Variants in DHRS3 observed in about 807,000 individuals in gnomAD.
DHRS3 encodes the protein short-chain dehydrogenase/reductase 3.
In DHRS3, 14 loss-of-function variants were observed where a neutral mutation model predicts 27.2. The observed-to-expected ratio is 0.52, with a 90% confidence interval of 0.34 to 0.81. The LOEUF is 0.81. Among genes scored for constraint, DHRS3 ranks in the 30% least tolerant of loss-of-function variants. The probability of loss-of-function intolerance (pLI) is 0.01; values close to 1 mark genes in which losing one functional copy is unlikely to be tolerated. For missense variants in DHRS3, 322 were observed against 406.2 expected, an observed-to-expected ratio of 0.79 and a Z score of 1.78; for synonymous variants, 165 against 175.9, an observed-to-expected ratio of 0.94 and a Z score of 0.49.
intron 1 of DHRS3, among the ~76,000 whole-genome samples, chr1:12,597,937 C>T (rs2100702628): frequency 2.0e-5 from 3 of 152,342 alleles, no homozygotes; most frequent in Admixed American, 2.0e-4. Context: ...CCAGCCATCG[C>T]ACAGAGGGTG....
intron 5 of DHRS3, among the ~76,000 whole-genome samples, chr1:12,570,875 G>C (rs1391622126): frequency 6.6e-6 from 1 of 152,242 alleles, no homozygotes; most frequent in Non-Finnish European, 1.5e-5. Flanking sequence ...CCTCTGAAAG[G>C]GCTTTGAGTT....
At chr1:12,568,457 G>A (rs913939722) in intron 5 of DHRS3, 33 bp from the exon 6 acceptor site, 1 of 1,602,720 alleles carries the variant, frequency 6.2e-7, no homozygotes, top group African/African-American at 1.3e-5. Flanking sequence ...AGATAGCGAT[G>A]GTTAGTGGGG....
intron 2 of DHRS3, 117 bp downstream of exon 2, chr1:12,580,406 G>A (rs1438445361): frequency 3.4e-6 from 5 of 1,478,090 alleles, no homozygotes; most frequent in Admixed American, 1.8e-5. Flanking sequence ...AGGTGCCCCG[G>A]GCAAAGCCAT....
intron 1 of DHRS3, among the ~76,000 whole-genome samples, chr1:12,604,952 G>A (rs1281710605): frequency 6.6e-6 from 1 of 152,070 alleles, no homozygotes; most frequent in Non-Finnish European, 1.5e-5. Flanking sequence ...GGCTGAGGCA[G>A]GAGAATTACT....
At position 12,579,361 on chromosome 1, in the gene DHRS3, T is replaced by C. The variant is rs61735748; in HGVS notation, c.391A>G (p.Ser131Gly). ...GCATCATCATCACTGTCCATTAGGC[T>C]CTTCCCATGGACCACGGCGGCATTG... ...VNNAAVVHGK[S>G]LMDSDDDALL... The change falls in exon 3 of 6, where the codon AGC (serine) becomes GGC (glycine). Residue 131 changes from serine to glycine, a missense_variant. Transcript: ENST00000616661. 9,985 of 1,614,154 alleles carry C rather than the reference T, an allele frequency of 6.2e-3. 843 individuals are homozygous for C. The Admixed American group carries it at 0.15, about 24-fold the overall frequency.
At chr1:12,609,385 GCC>G (rs1557532934) in intron 1 of DHRS3, among the ~76,000 whole-genome samples, 2 of 152,180 alleles carry the variant, frequency 1.3e-5, no homozygotes, top group African/African-American at 4.8e-5. Context: ...GAGCAGGGCT[GCC>G]CAGCAGAGCC....
chr1:12,579,668 G>T (rs943060136), intron 2 of DHRS3: 27 of 370,172 alleles, frequency 7.3e-5, no homozygotes, highest in Middle Eastern at 8.6e-4. Context: ...TAGAGATGGG[G>T]TTTCACCATG....
chr1:12,616,987 G>C (rs1266274028), intron 1 of DHRS3, among the ~76,000 whole-genome samples, 167 bp downstream of exon 1: 1 of 152,220 alleles, frequency 6.6e-6, no homozygotes, highest in East Asian at 1.9e-4. Context: ...TCCGGTGCCC[G>C]GGAAATTTAC....
Position 12,585,153 on chromosome 1 carries a change from GTC to G in DHRS3, c.196-4489_196-4488del, listed in dbSNP as rs1378910481. On this transcript the variant is annotated intron_variant, in intron 1 of 5. Coordinates refer to ENST00000616661, the MANE Select transcript of DHRS3 (RefSeq NM_004753.7). ...AGAGAGTGTGTGTGTGTCTCAGTGT[GTC>G]TCTGTGTGTCTGTGGGTGTCTGAGT... 2.6e-5 allele frequency among the ~76,000 whole-genome samples: 4 copies of G among 151,278 alleles called. No individual in the cohort carries two copies. In the East Asian group the frequency reaches 7.8e-4, roughly 29 times the overall value.
intron 1 of DHRS3, among the ~76,000 whole-genome samples, chr1:12,613,078 A>AT (rs1646920903): frequency 1.3e-5 from 2 of 151,226 alleles, no homozygotes; most frequent in South Asian, 4.2e-4. Flanking sequence ...AAAAAAGGAG[A>AT]TGACGGGACG....
At chr1:12,596,878 A>C (rs545362954) in intron 1 of DHRS3, among the ~76,000 whole-genome samples, 1 of 152,116 alleles carries the variant, frequency 6.6e-6, no homozygotes, top group Non-Finnish European at 1.5e-5. Context: ...ACCCTCAGAG[A>C]AACCAAGGCT....
intron 1 of DHRS3, among the ~76,000 whole-genome samples, chr1:12,611,038 C>T (rs1646906086): frequency 1.3e-5 from 2 of 152,270 alleles, no homozygotes; most frequent in Admixed American, 1.3e-4. Context: ...GAAAGGACAC[C>T]TCATAAATAC....
chr1:12,589,840 CATT>C (rs150189606), intron 1 of DHRS3, among the ~76,000 whole-genome samples: 51 of 149,126 alleles, frequency 3.4e-4, no homozygotes, highest in Admixed American at 1.2e-3. Flanking sequence ...AGCTAGCTGT[CATT>C]ATTATTATTA....
intron 4 of DHRS3, among the ~76,000 whole-genome samples, chr1:12,573,853 A>G (rs1305311725): frequency 6.6e-6 from 1 of 152,248 alleles, no homozygotes; most frequent in African/African-American, 2.4e-5. Flanking sequence ...CAGATAAGGA[A>G]ACCGAGGCTG....
intron 1 of DHRS3, chr1:12,616,656 C>T: frequency 7.0e-6 from 7 of 994,740 alleles, no homozygotes; most frequent in Non-Finnish European, 8.4e-6. Flanking sequence ...TTTTCAAACC[C>T]AAACCAAGTA....
At chr1:12,585,253 C>CTA (rs1557520195) in intron 1 of DHRS3, among the ~76,000 whole-genome samples, 86 of 18,890 alleles carry the variant, frequency 4.6e-3, no homozygotes, top group African/African-American at 0.017. Context: ...GTCTCTGTGT[C>CTA]TCTGAGTGTG....
rs1161423532 is a variant in DHRS3 at position 12,586,340 on chromosome 1, C to T, written c.196-5674G>A. Among the ~76,000 whole-genome samples the T allele has an allele frequency of 4.6e-5, 7 of 152,334 alleles. No homozygotes were observed. The East Asian group carries it at 5.8e-4, about 13-fold the overall frequency. ...AGAGGCACCCCTAAGCCCCCAGGCACGGTGGGGTCGTCTGAGCTTTGAGGG... is the reference window on the plus strand; with the variant it reads ...AGAGGCACCCCTAAGCCCCCAGGCATGGTGGGGTCGTCTGAGCTTTGAGGG... On this transcript the variant is annotated intron_variant, in intron 1 of 5. Transcript: ENST00000616661. The surrounding 1 kb of genome is among the most constrained non-coding windows in gnomAD (Gnocchi z 5.0).
chr1:12,580,337 G>A (rs774074937), intron 2 of DHRS3, 186 bp downstream of exon 2: 23 of 710,838 alleles, frequency 3.2e-5, no homozygotes, highest in South Asian at 4.7e-5. Flanking sequence ...CGCCTGTTAC[G>A]TAATCAACCC....
rs1053182396 is a variant in DHRS3 at position 12,617,234 on chromosome 1, C to G, written c.115G>C (p.Glu39Gln). ...CCGCCGCCGGTGATGAGGACGTTCT[C>G]CCGCGACAGGTCCCGCAGCTTGGCG... ...LPAKLRDLSRENVLITGGGRG... is the reference protein window; with the variant it reads ...LPAKLRDLSRQNVLITGGGRG... The change falls in exon 1 of 6, where the codon GAG (glutamate) becomes CAG (glutamine). Residue 39 changes from glutamate (E) to glutamine (Q), a missense_variant. Physicochemically the swap from Glu to Gln is conservative, Grantham distance 29. Transcript: ENST00000616661. 6.2e-7 allele frequency: 1 copy of G among 1,613,740 alleles called. No homozygotes were observed. Among genetic ancestry groups the G allele is most frequent in the African/African-American group, 1.3e-5 (1 of 75,064 alleles).
Sources: allele counts gnomAD v4.1 joint callset (sites outside exome capture counted in the v4.1 genomes callset), GRCh38; gene constraint gnomAD v4.1.1; non-coding constraint Gnocchi (gnomAD v3.1); transcripts MANE v1.5; gene names NCBI Gene and HGNC (gene_info 2026-07-23, HGNC 2026-07-21).